Variants in APBA2 observed in about 807,000 individuals in gnomAD.
APBA2 encodes the protein amyloid beta precursor protein binding family A member 2, also known as amyloid-beta A4 precursor protein-binding family A member 2.
APBA2 carries 30 observed loss-of-function variants against 75.0 expected under a neutral mutation model. The ratio of observed to expected loss-of-function variants is 0.40; its 90% CI spans 0.30 to 0.54. The LOEUF (loss-of-function observed/expected upper bound fraction) is 0.54, where lower values mean the gene tolerates loss of function less well. Ranked by LOEUF, APBA2 falls within the 20% of genes least tolerant of loss-of-function variation. The pLI is 0.49. For synonymous variants in APBA2, 444 were observed against 409.6 expected, an observed-to-expected ratio of 1.08 and a Z score of -1.01; for missense variants, 801 against 1,016.1, an observed-to-expected ratio of 0.79 and a Z score of 2.88.
At chr15:28,986,777 T>G (rs2152776415) in intron 2 of APBA2, among the ~76,000 whole-genome samples, 1 of 152,326 alleles carries the variant, frequency 6.6e-6, no homozygotes, top group South Asian at 2.1e-4. Context: ...CCCTTCTTAT[T>G]TTTATGTTAG....
intron 2 of APBA2, among the ~76,000 whole-genome samples, chr15:28,923,101 C>A (rs1277773638): frequency 6.6e-6 from 1 of 152,210 alleles, no homozygotes; most frequent in African/African-American, 2.4e-5. Flanking sequence ...AAGGCTTGGT[C>A]TACTTTTCAG....
At chr15:28,916,064 T>C (rs1172827381) in intron 1 of APBA2, among the ~76,000 whole-genome samples, 12 of 152,230 alleles carry the variant, frequency 7.9e-5, no homozygotes, top group Non-Finnish European at 1.8e-4. Context: ...AAATTAATAC[T>C]GCCCCCGCCT....
intron 2 of APBA2, among the ~76,000 whole-genome samples, chr15:28,955,991 G>A (rs2036148826): frequency 6.6e-6 from 1 of 152,214 alleles, no homozygotes; most frequent in Non-Finnish European, 1.5e-5. Flanking sequence ...CCCTGGCTCT[G>A]CTGACTTGGA....
At chr15:29,086,313 A>C (rs1007773646) in intron 6 of APBA2, among the ~76,000 whole-genome samples, 2 of 152,190 alleles carry the variant, frequency 1.3e-5, no homozygotes, top group Non-Finnish European at 2.9e-5. Flanking sequence ...TCCTGAGCCA[A>C]AGTCACCCAG....
intron 4 of APBA2, among the ~76,000 whole-genome samples, chr15:29,063,393 G>T (rs1404461491): frequency 7.3e-6 from 1 of 137,146 alleles, no homozygotes; most frequent in African/African-American, 2.6e-5. Flanking sequence ...GGGTGGTGCG[G>T]GGAGTTGATC....
chr15:28,973,959 T>A (rs887499629), intron 2 of APBA2, among the ~76,000 whole-genome samples: 2 of 152,110 alleles, frequency 1.3e-5, no homozygotes, highest in African/African-American at 4.8e-5. Flanking sequence ...ACGGTCAATA[T>A]AACACTAAAG....
At chr15:28,968,149 G>C (rs1008661612) in intron 2 of APBA2, among the ~76,000 whole-genome samples, 2 of 152,220 alleles carry the variant, frequency 1.3e-5, no homozygotes, top group African/African-American at 4.8e-5. Flanking sequence ...ATACTCCACC[G>C]TATGTGTAGA....
intron 2 of APBA2, among the ~76,000 whole-genome samples, chr15:28,961,797 G>A (rs1261368456): frequency 1.3e-5 from 2 of 152,162 alleles, no homozygotes; most frequent in African/African-American, 4.8e-5. Context: ...ACTCCTGGAG[G>A]TTTGGATTTA....
rs146974851 is a variant in APBA2, at chr15:28,928,443, C to T, written c.-95+6694C>T. Among the ~76,000 whole-genome samples, 380 of 152,272 alleles carry T rather than the reference C, an allele frequency of 2.5e-3. 5 individuals are homozygous for T. The highest frequency in any genetic ancestry group is 2.2e-3 in the Non-Finnish European group (153 of 68,018). On this transcript the variant is annotated intron_variant, in intron 2 of 14. Transcript: ENST00000683413. ...CTCCCAGCTTTCACCTGCTGTTGTACACTGGAGTCCTGTTGGTGTAGTTGT... is the reference window on the plus strand; with the variant it reads ...CTCCCAGCTTTCACCTGCTGTTGTATACTGGAGTCCTGTTGGTGTAGTTGT...
intron 3 of APBA2, among the ~76,000 whole-genome samples, chr15:29,033,171 C>T (rs1396854212): frequency 6.6e-6 from 1 of 152,158 alleles, no homozygotes; most frequent in African/African-American, 2.4e-5. Context: ...TGGAGAAGGT[C>T]TGCACTAGAC....
intron 3 of APBA2, among the ~76,000 whole-genome samples, chr15:29,029,905 C>T (rs1014457712): frequency 2.6e-5 from 4 of 152,140 alleles, no homozygotes; most frequent in African/African-American, 7.2e-5. Context: ...CCAGAGGTGC[C>T]GGACATGCAG....
At chr15:29,080,998 A>G (rs1566983387) in intron 6 of APBA2, among the ~76,000 whole-genome samples, 1 of 152,160 alleles carries the variant, frequency 6.6e-6, no homozygotes, top group Non-Finnish European at 1.5e-5. Context: ...CAGCCTGTCT[A>G]TAGCTCATCA....
chr15:28,909,886 C>T (rs2033347956), intron 1 of APBA2, among the ~76,000 whole-genome samples: 1 of 152,188 alleles, frequency 6.6e-6, no homozygotes, highest in South Asian at 2.1e-4. Flanking sequence ...TATCCCAGTG[C>T]TCTTGCTAAG....
chr15:29,107,550 G>T (rs1329302275), intron 12 of APBA2, among the ~76,000 whole-genome samples: 1 of 152,190 alleles, frequency 6.6e-6, no homozygotes, highest in Non-Finnish European at 1.5e-5. Context: ...GCATTCCCCA[G>T]GCCAGAGCAT....
intron 3 of APBA2, among the ~76,000 whole-genome samples, chr15:29,007,125 T>C (rs2039159110): frequency 6.6e-6 from 1 of 152,164 alleles, no homozygotes; most frequent in Non-Finnish European, 1.5e-5. Context: ...GGGCAAATGA[T>C]TTTTTGACAA....
In APBA2 at chr15:29,117,807, A is replaced by C. The variant is rs1253890128; in HGVS notation, c.*674A>C. ...ACTCTAGGGTTTTCCAATGTGACTAATGACCACACCTGCCTCTCCCGTCGT... is the reference window on the plus strand; with the variant it reads ...ACTCTAGGGTTTTCCAATGTGACTACTGACCACACCTGCCTCTCCCGTCGT... On this transcript the variant is annotated 3_prime_UTR_variant, in exon 15 of 15. Coordinates refer to ENST00000683413, the MANE Select transcript of APBA2 (RefSeq NM_001353788.2). 6.6e-6 allele frequency: 1 copy of C among 152,042 alleles called. No homozygotes were observed. The highest frequency in any genetic ancestry group is 1.5e-5 in the Non-Finnish European group (1 of 68,282). The allele number at this position is 152,042 out of a possible 1,614,324, so 9.4% of individuals were successfully genotyped here.
At chr15:29,017,837 C>T (rs995523910) in intron 3 of APBA2, among the ~76,000 whole-genome samples, 3 of 152,168 alleles carry the variant, frequency 2.0e-5, no homozygotes, top group African/African-American at 7.2e-5. Flanking sequence ...GCGGCAATAT[C>T]TTCTTCTATT....
intron 6 of APBA2, among the ~76,000 whole-genome samples, chr15:29,084,869 TC>T (rs1269830575): frequency 2.0e-5 from 3 of 152,256 alleles, no homozygotes; most frequent in Admixed American, 2.0e-4. Context: ...TTTAATGTGT[TC>T]CTCTATTCTC....
chr15:28,972,811 G>A (rs574572484), intron 2 of APBA2, among the ~76,000 whole-genome samples: 24 of 152,290 alleles, frequency 1.6e-4, no homozygotes, highest in Admixed American at 6.5e-4. Flanking sequence ...CTGAAAGTCC[G>A]TCTGCTTTTT....
Sources: gnomAD v4.1 joint callset for allele counts (sites outside exome capture counted in the v4.1 genomes callset) on GRCh38, gnomAD v4.1.1 for gene constraint, MANE v1.5 for transcripts, NCBI Gene and HGNC (gene_info 2026-07-23, HGNC 2026-07-21) for gene names.